The following NFXL1 variants were observed in gnomAD, a reference collection of about 807,000 sequenced individuals.
NFXL1 encodes nuclear transcription factor, X-box binding like 1, also known as NF-X1-type zinc finger protein NFXL1.
A neutral mutation model predicts 123.3 loss-of-function variants in NFXL1; 66 were observed. The observed-to-expected ratio is 0.54, with a 90% CI of 0.44 to 0.66. NFXL1 has a LOEUF of 0.66. Ranked by LOEUF, NFXL1 falls within the 30% of genes least tolerant of loss-of-function variation. The pLI, the probability that NFXL1 is intolerant of heterozygous loss-of-function variation, is 0.00. For missense variants in NFXL1, 944 were observed against 1,125.6 expected (o/e 0.84, Z 2.31); for synonymous variants, 346 against 360.8 (o/e 0.96, Z 0.46).
At chr4:47,859,735 A>T (rs955490327) in intron 19 of NFXL1, among the ~76,000 whole-genome samples, 1 of 149,616 alleles carries the variant, frequency 6.7e-6, no homozygotes, top group Admixed American at 6.7e-5. Context: ...TCAGCTACTC[A>T]GGCAGCTGAG....
At chr4:47,898,113 G>C in intron 8 of NFXL1, 32 bp from the exon 9 acceptor site, 1 of 1,360,530 alleles carries the variant, frequency 7.4e-7, no homozygotes, top group Non-Finnish European at 1.0e-6. Context: ...ACTAATGAAG[G>C]ATTTAAAAGT....
intron 3 of NFXL1, among the ~76,000 whole-genome samples, chr4:47,909,059 C>G (rs1008021338): frequency 6.6e-6 from 1 of 151,196 alleles, no homozygotes; most frequent in African/African-American, 2.4e-5. Context: ...TTCCAGCAAA[C>G]AGATATACAG....
chr4:47,879,961 TA>T (rs1298856200), intron 15 of NFXL1, among the ~76,000 whole-genome samples: 8 of 152,098 alleles, frequency 5.3e-5, no homozygotes, highest in African/African-American at 1.9e-4. Flanking sequence ...TGCAAAACTA[TA>T]AAACACAGAC....
chr4:47,852,471 CAT>C (rs1366890397), intron 20 of NFXL1, among the ~76,000 whole-genome samples: 1 of 152,250 alleles, frequency 6.6e-6, no homozygotes, highest in East Asian at 1.9e-4. Context: ...TAAATATCCA[CAT>C]GTGACTAGTG....
In NFXL1 at chr4:47,914,138, G is replaced by A; in HGVS notation, c.66C>T (p.Ala22=). 1 of 1,553,836 alleles carries A rather than the reference G, an allele frequency of 6.4e-7. No individual in the cohort carries two copies. Among genetic ancestry groups the A allele is most frequent in the Non-Finnish European group, 8.7e-7 (1 of 1,149,044 alleles). ...RGRSRGRATA[A]PSGNGVHLRG... ...GGAGATGGACTCCATTTCCTGAGGG[G>A]GCGGCAGTGGCCCGTCCCCGGGATC... The change falls in exon 2 of 23, where the codon GCC becomes GCT. Residue 22 remains alanine (A), a synonymous_variant. Coordinates refer to ENST00000507489, the MANE Select transcript of NFXL1 (RefSeq NM_001278624.2).
At chr4:47,903,414 C>T (rs2110103643) in intron 4 of NFXL1, 91 bp from the exon 5 acceptor site, 1 of 768,816 alleles carries the variant, frequency 1.3e-6, no homozygotes. Flanking sequence ...AAACTATTTT[C>T]AAGAGCTACC....
intron 17 of NFXL1, 92 bp downstream of exon 17, chr4:47,878,433 A>T: frequency 9.7e-7 from 1 of 1,027,680 alleles, no homozygotes; most frequent in East Asian, 2.7e-5. Flanking sequence ...ACAGGAAGCT[A>T]AAGCAAAACA....
intron 18 of NFXL1, among the ~76,000 whole-genome samples, chr4:47,872,847 A>AG (rs1735535944): frequency 2.6e-5 from 4 of 152,306 alleles, no homozygotes; most frequent in Admixed American, 2.6e-4. Context: ...ATTAAAAAAA[A>AG]TAAGACAATA....
intron 11 of NFXL1, among the ~76,000 whole-genome samples, chr4:47,892,034 G>A (rs933629981): frequency 1.5e-4 from 23 of 152,166 alleles, no homozygotes; most frequent in Non-Finnish European, 2.1e-4. Context: ...TGGGGGAAAA[G>A]ATTATGTGGT....
rs368268664 is a variant in NFXL1, at chr4:47,903,302, A to C, written c.538T>G (p.Phe180Val). ...NQAVWSCSGC[F>V]CIFHMPCIQK... ...ATACAGGGCATGTGAAATATACAGA[A>C]ACATCCCGAACAGCTCCAAACCTAA... Residue 180 changes from phenylalanine (F) to valine (V), a missense_variant, in exon 5 of 23, where the codon TTC becomes GTC. Phe to Val is a conservative substitution (Grantham distance 50, BLOSUM62 -1). Around this residue, in one of 4 missense-constraint regions of NFXL1, gnomAD observed 303 missense variants for 292.1 expected, o/e 1.04. Transcript: ENST00000507489. The C allele has an allele frequency of 6.4e-7, 1 of 1,566,412 alleles. No individual in the cohort carries two copies. Among genetic ancestry groups the C allele is most frequent in the African/African-American group, 1.4e-5 (1 of 71,794 alleles).
chr4:47,895,380 T>C (rs1319939671), intron 10 of NFXL1, among the ~76,000 whole-genome samples: 1 of 152,258 alleles, frequency 6.6e-6, no homozygotes, highest in East Asian at 1.9e-4. Flanking sequence ...TTGTATCTTC[T>C]TCCAGTAGAA....
chr4:47,900,038 G>A (rs933183840), intron 5 of NFXL1, among the ~76,000 whole-genome samples: 1 of 152,018 alleles, frequency 6.6e-6, no homozygotes, highest in African/African-American at 2.4e-5. Context: ...GTTTTGTTTT[G>A]TGGTTTACAA....
At chr4:47,863,860 C>T (rs573086445) in intron 18 of NFXL1, among the ~76,000 whole-genome samples, 1 of 152,216 alleles carries the variant, frequency 6.6e-6, no homozygotes, top group African/African-American at 2.4e-5. Context: ...TCTAAAACTC[C>T]CTATCACTTG....
chr4:47,899,285 T>C, intron 6 of NFXL1, 85 bp downstream of exon 6: 4 of 1,369,384 alleles, frequency 2.9e-6, no homozygotes, highest in Non-Finnish European at 4.0e-6. Flanking sequence ...AAACTGTGAA[T>C]TCAACTTTTA....
chr4:47,907,985 A>G lies in NFXL1; in HGVS notation c.407-2639T>C, dbSNP rs1025001218. The stretch of plus-strand genomic sequence containing the variant: ...CCAAACTTCCTAATCTTAATTCCTT[A>G]GCAGATATGGTAAATTCCTTAGAAA... On this transcript the variant is annotated intron_variant, in intron 3 of 22. Transcript: ENST00000507489. Among the ~76,000 whole-genome samples, 4 of 152,216 alleles carry G rather than the reference A, an allele frequency of 2.6e-5. 1 individual carries two copies. The highest frequency in any genetic ancestry group is 9.7e-5 in the African/African-American group (4 of 41,450).
intron 17 of NFXL1, 43 bp from the exon 18 acceptor site, chr4:47,875,336 G>A (rs1357366419): frequency 6.9e-7 from 1 of 1,447,792 alleles, no homozygotes; most frequent in African/African-American, 1.4e-5. Context: ...TACAAGGTAA[G>A]CCTAACATTT....
At chr4:47,898,666 C>T in intron 8 of NFXL1, 91 bp downstream of exon 8, 1 of 795,342 alleles carries the variant, frequency 1.3e-6, no homozygotes, top group Non-Finnish European at 2.2e-6. Flanking sequence ...GCCTTTTATC[C>T]AACTAAACCT....
intron 5 of NFXL1, among the ~76,000 whole-genome samples, chr4:47,900,724 G>A (rs980146160): frequency 2.6e-5 from 4 of 152,176 alleles, no homozygotes; most frequent in Non-Finnish European, 4.4e-5. Flanking sequence ...AGTATATTAT[G>A]CTAGAACAAG....
chr4:47,886,265 T>C (rs929733483), intron 12 of NFXL1, among the ~76,000 whole-genome samples: 1 of 152,184 alleles, frequency 6.6e-6, no homozygotes, highest in Non-Finnish European at 1.5e-5. Flanking sequence ...AAGGAAGGTG[T>C]TGAAAATTTT....
Sources: allele counts gnomAD v4.1 joint callset (sites outside exome capture counted in the v4.1 genomes callset), GRCh38; gene constraint gnomAD v4.1.1; regional missense constraint gnomAD v4.1.1; transcripts MANE v1.5; gene names NCBI Gene and HGNC (gene_info 2026-07-23, HGNC 2026-07-21).